Variants in HHLA1 observed in about 807,000 individuals in gnomAD.
HHLA1 encodes the protein HHLA1 neighbor of OC90, also known as HERV-H LTR-associating protein 1.
HHLA1 carries 72 observed loss-of-function variants against 69.9 expected under a neutral mutation model. The observed-to-expected ratio is 1.03, with a 90% CI of 0.85 to 1.25. HHLA1 has a LOEUF of 1.25. Ranked by LOEUF, HHLA1 falls within the 50% of genes most tolerant of loss-of-function variation. HHLA1 has a pLI of 0.00. For missense variants in HHLA1, 685 were observed against 642.2 expected (o/e 1.07, Z -0.72); for synonymous variants, 252 against 233.2 (o/e 1.08, Z -0.73).
chr8:132,102,582 C>G (rs1824127190), intron 3 of HHLA1, among the ~76,000 whole-genome samples: 2 of 152,222 alleles, frequency 1.3e-5, no homozygotes, highest in Admixed American at 1.3e-4. Context: ...GTCTACTCTG[C>G]ACCAGCTGCT....
In HHLA1 at chr8:132,063,008, T is replaced by C. The variant is rs1310940127; in HGVS notation, c.*987A>G. The C allele has an allele frequency of 6.6e-6, 1 of 152,178 alleles. No individual in the cohort carries two copies. Among genetic ancestry groups the C allele is most frequent in the Non-Finnish European group, 1.5e-5 (1 of 68,066 alleles). The allele number at this position is 152,178 out of a possible 1,614,324, so 9.4% of individuals were successfully genotyped here. A position where few individuals can be genotyped will look rare whatever the true frequency, so the allele number is the denominator to read the frequency against. On this transcript the variant is annotated 3_prime_UTR_variant, in exon 17 of 17. Coordinates refer to ENST00000414222, the MANE Select transcript of HHLA1 (RefSeq NM_001145095.3). ...GGACTGGAGACTGAATAACTAAGTT[T>C]AGCCATGCAGGCCATGAAGGCACTC...
intron 15 of HHLA1, among the ~76,000 whole-genome samples, chr8:132,069,457 A>T (rs1372248441): frequency 6.6e-6 from 1 of 152,170 alleles, no homozygotes; most frequent in Non-Finnish European, 1.5e-5. Flanking sequence ...TTTGGCCTAT[A>T]TTCAGTGTAT....
In HHLA1 at chr8:132,104,956, G is replaced by A. The variant is rs7004400; in HGVS notation, c.79+231C>T. 1.3e-3 allele frequency among the ~76,000 whole-genome samples: 194 copies of A among 152,276 alleles called. 1 individual carries two copies. Among genetic ancestry groups the A allele is most frequent in the African/African-American group, 4.4e-3 (183 of 41,552 alleles). ...CATGGTCTGGGAAAGGGAAAATAATGTTTTGGACAAAGGTGGTAACAGTGA... is the reference window on the plus strand; with the variant it reads ...CATGGTCTGGGAAAGGGAAAATAATATTTTGGACAAAGGTGGTAACAGTGA... On this transcript the variant is annotated intron_variant, in intron 2 of 16. Transcript: ENST00000414222.
chr8:132,086,234 T>C lies in HHLA1; in HGVS notation c.676+1419A>G, dbSNP rs140328474. 1.5e-3 allele frequency among the ~76,000 whole-genome samples: 229 copies of C among 152,256 alleles called. 1 individual carries two copies. The highest frequency in any genetic ancestry group is 5.3e-3 in the African/African-American group (219 of 41,542). ...AGCAGTGGATATGACGATGACAGGC[T>C]CCTATTAGCCCATAGAGTCCCGTTG... is the stretch of plus-strand genomic sequence containing the variant. On this transcript the variant is annotated intron_variant, in intron 10 of 16. Transcript: ENST00000414222.
Position 132,071,436 on chromosome 8 carries a change from G to A in HHLA1, c.1373C>T (p.Ala458Val). 6.4e-7 allele frequency: 1 copy of A among 1,551,660 alleles called. No homozygotes were observed. The highest frequency in any genetic ancestry group is 8.7e-7 in the Non-Finnish European group (1 of 1,146,944). Reference sequence around the variant, plus strand: ...CAGGCATGGGTTGAGCCTCTGAATAGCCAGGGTGAGAGGAGCAGCTGCCAT... The same window carrying A: ...CAGGCATGGGTTGAGCCTCTGAATAACCAGGGTGAGAGGAGCAGCTGCCAT... ...GAMAAAPLTLAIQRLNPCLME... is the reference protein window; with the variant it reads ...GAMAAAPLTLVIQRLNPCLME... Residue 458 changes from alanine to valine, a missense_variant, in exon 15 of 17, where the codon GCT (alanine) becomes GTT (valine). Coordinates refer to ENST00000414222, the MANE Select transcript of HHLA1 (RefSeq NM_001145095.3).
At chr8:132,091,720 T>C (rs928208021) in intron 7 of HHLA1, among the ~76,000 whole-genome samples, 1 of 152,240 alleles carries the variant, frequency 6.6e-6, no homozygotes, top group African/African-American at 2.4e-5. Flanking sequence ...TTGGTAATGA[T>C]TTAAGACTGT....
intron 10 of HHLA1, among the ~76,000 whole-genome samples, chr8:132,083,972 AC>A (rs1823812654): frequency 6.6e-6 from 1 of 150,994 alleles, no homozygotes; most frequent in East Asian, 2.0e-4. Flanking sequence ...CGGCCTTTTG[AC>A]CTTTTAGGGT....
intron 16 of HHLA1, 71 bp from the exon 17 acceptor site, chr8:132,064,109 C>A (rs1235615118): frequency 1.3e-5 from 13 of 1,011,360 alleles, no homozygotes; most frequent in Non-Finnish European, 1.8e-5. Context: ...ATAAATTAAA[C>A]CCTGATGTCG....
intron 15 of HHLA1, among the ~76,000 whole-genome samples, chr8:132,069,124 C>A (rs1181974676): frequency 1.3e-5 from 2 of 152,050 alleles, no homozygotes; most frequent in African/African-American, 4.8e-5. Context: ...GACTTGGTCT[C>A]CCATCTTTGC....
At chr8:132,082,757 T>C (rs1276709361) in intron 10 of HHLA1, among the ~76,000 whole-genome samples, 1 of 152,030 alleles carries the variant, frequency 6.6e-6, no homozygotes, top group African/African-American at 2.4e-5. Context: ...GAGGAAGGTA[T>C]TGAGGACAAA....
chr8:132,107,751 A>G (rs966962639), intron 1 of HHLA1, among the ~76,000 whole-genome samples: 2 of 152,240 alleles, frequency 1.3e-5, no homozygotes, highest in Admixed American at 6.5e-5. Flanking sequence ...TTTAACAAGT[A>G]AAAAACACAG....
chr8:132,064,753 TG>T (rs1449185802), intron 16 of HHLA1, among the ~76,000 whole-genome samples: 1 of 151,978 alleles, frequency 6.6e-6, no homozygotes, highest in Non-Finnish European at 1.5e-5. Context: ...AGTTGAAAAA[TG>T]AAATATAAAG....
At chr8:132,066,246 A>G (rs1823437517) in intron 15 of HHLA1, among the ~76,000 whole-genome samples, 1 of 152,160 alleles carries the variant, frequency 6.6e-6, no homozygotes, top group African/African-American at 2.4e-5. Context: ...AATTCTCTGG[A>G]CTTTAATTTT....
rs1824018002 is a variant in HHLA1, at chr8:132,095,843, AC to A, written c.281-58del. 3 of 1,054,084 alleles carry A rather than the reference AC, an allele frequency of 2.8e-6. No homozygotes were observed. The Admixed American group carries it at 8.1e-5, about 29-fold the overall frequency. The allele number at this position is 1,054,084 out of a possible 1,614,324, so 65.3% of individuals were successfully genotyped here. ...AGATGCCTACTAACGTAACAATAAT[AC>A]AAATAAGTAAACAGTCCCTAGAAAT... On this transcript the variant is annotated intron_variant, in intron 5 of 16. Transcript: ENST00000414222.
intron 2 of HHLA1, 37 bp downstream of exon 2, chr8:132,105,150 A>G (rs1447554952): frequency 1.4e-6 from 2 of 1,455,254 alleles, no homozygotes; most frequent in Non-Finnish European, 9.4e-7. Context: ...AACTTATTAT[A>G]CAGAACAGAC....
At chr8:132,068,583 G>T (rs10505584) in intron 15 of HHLA1, among the ~76,000 whole-genome samples, 9,153 of 152,264 alleles carry the variant, frequency 0.06, 378 homozygotes, top group South Asian at 0.09. Context: ...GTTCTTCAGG[G>T]CAGATATAAG....
Position 132,063,301 on chromosome 8 carries a change from G to T in HHLA1, c.*694C>A, listed in dbSNP as rs1209467705. On this transcript the variant is annotated 3_prime_UTR_variant, in exon 17 of 17. Coordinates refer to ENST00000414222, the MANE Select transcript of HHLA1 (RefSeq NM_001145095.3). ...TTCCCTACCTCTGAGTTCTACTCAT[G>T]AATCATTGAACCTGAGGGTGCTCAT... 1 of 152,116 alleles carries T rather than the reference G, an allele frequency of 6.6e-6. No individual in the cohort carries two copies. Among genetic ancestry groups the T allele is most frequent in the Non-Finnish European group, 1.5e-5 (1 of 68,028 alleles). 9.4% of individuals were successfully genotyped at this position (152,116 alleles called of 1,614,324 possible).
At chr8:132,073,430 C>G (rs1426965437) in intron 14 of HHLA1, among the ~76,000 whole-genome samples, 1 of 152,176 alleles carries the variant, frequency 6.6e-6, no homozygotes, top group Non-Finnish European at 1.5e-5. Flanking sequence ...ATGAGTTTTT[C>G]TCTATCAGTT....
intron 15 of HHLA1, 30 bp downstream of exon 15, chr8:132,071,310 A>C: frequency 6.5e-7 from 1 of 1,536,776 alleles, no homozygotes; most frequent in African/African-American, 1.4e-5. Flanking sequence ...TAAATATTCC[A>C]TGTGAAAAGA....
Sources: gnomAD v4.1 joint callset for allele counts (sites outside exome capture counted in the v4.1 genomes callset) on GRCh38, gnomAD v4.1.1 for gene constraint, MANE v1.5 for transcripts, NCBI Gene and HGNC (gene_info 2026-07-23, HGNC 2026-07-21) for gene names.